The following STAG1 variants were observed in gnomAD, a reference collection of about 807,000 sequenced individuals.
STAG1 encodes the protein cohesin subunit SA-1.
STAG1 carries 26 observed loss-of-function variants against 170.9 expected under a neutral mutation model. That is an observed-to-expected ratio of 0.15 (90% confidence interval 0.11 to 0.21). STAG1 has a LOEUF of 0.21. STAG1 is among the 10% of genes least tolerant of loss of function. STAG1 has a pLI of 1.00. For missense variants in STAG1, 964 were observed against 1,509.5 expected (o/e 0.64, Z 5.99); for synonymous variants, 514 against 497.7 (o/e 1.03, Z -0.44).
intron 21 of STAG1, among the ~76,000 whole-genome samples, chr3:136,404,863 ATGTGTGTGTGTG>A (rs34596713): frequency 6.7e-6 from 1 of 149,008 alleles, no homozygotes; most frequent in African/African-American, 2.5e-5. Flanking sequence ...TTATGCATAT[ATGTGTGTGTGTG>A]TGTGTGTGTG....
intron 1 of STAG1, among the ~76,000 whole-genome samples, chr3:136,640,088 T>C (rs1314761224): frequency 1.3e-5 from 2 of 152,210 alleles, no homozygotes; most frequent in African/African-American, 4.8e-5. Context: ...GATGATGCAG[T>C]GAAAAATTCT....
chr3:136,694,274 C>A (rs961839128), intron 1 of STAG1, among the ~76,000 whole-genome samples: 1 of 152,010 alleles, frequency 6.6e-6, no homozygotes, highest in Non-Finnish European at 1.5e-5. Flanking sequence ...TGCAACTGAC[C>A]ACTGAGTGTT....
At position 136,579,958 on chromosome 3, in the gene STAG1, A is replaced by ATTTTTTTT. The variant is rs749325884; in HGVS notation, c.298-11105_298-11098dup. Among the ~76,000 whole-genome samples, 155 of 73,646 alleles carry ATTTTTTTT rather than the reference A, an allele frequency of 2.1e-3. 25 individuals are homozygous for ATTTTTTTT. The highest frequency in any genetic ancestry group is 6.5e-3 in the East Asian group (17 of 2,604). The allele number at this position is 73,646 out of a possible 152,430, so 48.3% of individuals were successfully genotyped here. A position where few individuals can be genotyped will look rare whatever the true frequency, so the allele number is the denominator to read the frequency against. ...CTATTTTGGTCACAATACCATCTGA[A>ATTTTTTTT]TTTTTTTTTTTTTTTTTTTTTTTTT... On this transcript the variant is annotated intron_variant, in intron 4 of 33. Transcript: ENST00000383202.
chr3:136,521,577 A>AT (rs1326542982), intron 6 of STAG1, among the ~76,000 whole-genome samples, 160 bp from the exon 7 acceptor site: 1 of 152,006 alleles, frequency 6.6e-6, no homozygotes, highest in African/African-American at 2.4e-5. Context: ...TTTCTCTTTG[A>AT]TTTTGATCTG....
chr3:136,443,315 T>A lies in STAG1; in HGVS notation c.1518A>T (p.Leu506=), dbSNP rs184801781. Residue 506 remains leucine (L), a synonymous_variant, in exon 15 of 34, where the codon CTA becomes CTT. Transcript: ENST00000383202. Reference sequence around the variant, plus strand: ...CCTCTCCTTGAACAGGTTCTTCTAATAGCAACTCTGTCATACATTCCCAGT... The same window carrying A: ...CCTCTCCTTGAACAGGTTCTTCTAAAAGCAACTCTGTCATACATTCCCAGT... ...LKDWECMTEL[L]LEEPVQGEEA... 1.9e-6 allele frequency: 3 copies of A among 1,613,338 alleles called. No homozygotes were observed. Among genetic ancestry groups the A allele is most frequent in the Non-Finnish European group, 2.5e-6 (3 of 1,179,552 alleles).
chr3:136,721,340 T>C (rs146275469), intron 1 of STAG1: 27 of 152,314 alleles, frequency 1.8e-4, no homozygotes, highest in African/African-American at 5.3e-4. Context: ...AGTAAATCAT[T>C]TTAATTTTAT....
chr3:136,508,312 G>A (rs1360616601), intron 7 of STAG1, among the ~76,000 whole-genome samples: 1 of 152,096 alleles, frequency 6.6e-6, no homozygotes, highest in African/African-American at 2.4e-5. Flanking sequence ...TCAATAATGT[G>A]AGTGGGTCTC....
chr3:136,424,051 T>C lies in STAG1; in HGVS notation c.1651-1007A>G, dbSNP rs556934448. Among the ~76,000 whole-genome samples, 7 of 151,994 alleles carry C rather than the reference T, an allele frequency of 4.6e-5. No individual in the cohort carries two copies. The South Asian group carries it at 1.5e-3, about 32-fold the overall frequency. On this transcript the variant is annotated intron_variant, in intron 16 of 33. Coordinates refer to ENST00000383202, the MANE Select transcript of STAG1 (RefSeq NM_005862.3). ...GCTAATTTTTGTATTTTTGTAGAGA[T>C]GGGGTTTCACCACGTTGACGAGGCT...
At chr3:136,414,823 G>A (rs902450890) in intron 21 of STAG1, among the ~76,000 whole-genome samples, 2 of 152,132 alleles carry the variant, frequency 1.3e-5, no homozygotes, top group African/African-American at 4.8e-5. Flanking sequence ...AGAGAAGTGT[G>A]ACTCTTCCAC....
intron 4 of STAG1, among the ~76,000 whole-genome samples, chr3:136,597,791 C>CT (rs563740075): frequency 0.087 from 12,550 of 143,686 alleles, 538 homozygotes; most frequent in Non-Finnish European, 0.1. Context: ...TATAGCTCTT[C>CT]TTTTTTTTTT....
At chr3:136,498,060 A>G (rs1189457740) in intron 9 of STAG1, among the ~76,000 whole-genome samples, 1 of 146,244 alleles carries the variant, frequency 6.8e-6, no homozygotes, top group South Asian at 2.2e-4. Flanking sequence ...GGCGTGGCAG[A>G]GCATGCCTGT....
At chr3:136,464,272 A>C (rs1399969022) in intron 13 of STAG1, among the ~76,000 whole-genome samples, 1 of 151,674 alleles carries the variant, frequency 6.6e-6, no homozygotes, top group Non-Finnish European at 1.5e-5. Flanking sequence ...AAAAACACAA[A>C]ATTAGCCGGG....
intron 1 of STAG1, among the ~76,000 whole-genome samples, chr3:136,698,083 A>G (rs567581058): frequency 3.9e-5 from 6 of 152,324 alleles, no homozygotes; most frequent in African/African-American, 1.4e-4. Context: ...AATATCAGAA[A>G]AACTCTTCTA....
At chr3:136,436,730 A>C (rs1174835421) in intron 15 of STAG1, among the ~76,000 whole-genome samples, 1 of 152,230 alleles carries the variant, frequency 6.6e-6, no homozygotes, top group East Asian at 1.9e-4. Flanking sequence ...ACAAAGGTTT[A>C]AAAGTTTACA....
At chr3:136,729,616 A>G (rs1220748613) in intron 1 of STAG1, among the ~76,000 whole-genome samples, 1 of 126,058 alleles carries the variant, frequency 7.9e-6, no homozygotes, top group African/African-American at 3.1e-5. Flanking sequence ...GCTGTCACCC[A>G]GGCTGGAGTA....
chr3:136,492,982 T>C (rs938698801), intron 9 of STAG1, among the ~76,000 whole-genome samples: 2 of 151,770 alleles, frequency 1.3e-5, no homozygotes, highest in Non-Finnish European at 2.9e-5. Flanking sequence ...TTGTGGAAAA[T>C]TTAGAGCTTA....
intron 9 of STAG1, among the ~76,000 whole-genome samples, chr3:136,497,118 T>A (rs1933150170): frequency 6.6e-6 from 1 of 151,842 alleles, no homozygotes; most frequent in Non-Finnish European, 1.5e-5. Context: ...AAAACCTTCC[T>A]GCAAAGAAAA....
At chr3:136,608,378 C>T (rs1170542360) in intron 3 of STAG1, among the ~76,000 whole-genome samples, 37 of 133,358 alleles carry the variant, frequency 2.8e-4, no homozygotes, top group South Asian at 7.3e-4. Context: ...CCCATCTCTA[C>T]AAAGTTAGCT....
At chr3:136,410,529 A>C (rs1420905028) in intron 21 of STAG1, among the ~76,000 whole-genome samples, 1 of 152,162 alleles carries the variant, frequency 6.6e-6, no homozygotes, top group Admixed American at 6.6e-5. Context: ...CAATTAAAAA[A>C]CTTGGATTTG....
Sources: allele counts gnomAD v4.1 joint callset (sites outside exome capture counted in the v4.1 genomes callset), GRCh38; gene constraint gnomAD v4.1.1; transcripts MANE v1.5; gene names NCBI Gene and HGNC (gene_info 2026-07-23, HGNC 2026-07-21).